Variants in PHACTR3 observed in about 807,000 individuals in gnomAD.
The protein encoded by PHACTR3 is phosphatase and actin regulator 3, also known as protein phosphatase 1, regulatory subunit 123.
Under a neutral mutation model 66.8 loss-of-function variants are expected in PHACTR3, and 16 were observed. The observed-to-expected ratio is 0.24, with a 90% CI of 0.16 to 0.36. The LOEUF is 0.36. PHACTR3 is among the 10% of genes least tolerant of loss of function. The pLI is 1.00. For missense variants in PHACTR3, 647 were observed against 719.9 expected (o/e 0.90, Z 1.16); for synonymous variants, 323 against 292.1 (o/e 1.11, Z -1.08).
intron 1 of PHACTR3, among the ~76,000 whole-genome samples, chr20:59,621,409 C>T (rs995025387): frequency 1.3e-5 from 2 of 152,244 alleles, no homozygotes; most frequent in African/African-American, 4.8e-5. Context: ...GCTGGGCAGC[C>T]CATGTCAGCC....
chr20:59,758,837 G>T (rs746323080), intron 4 of PHACTR3, among the ~76,000 whole-genome samples: 14 of 152,162 alleles, frequency 9.2e-5, no homozygotes, highest in Admixed American at 6.5e-4. Flanking sequence ...TTCTGATTAT[G>T]TTTGATCAAC....
chr20:59,593,993 C>A (rs1021393565), intron 1 of PHACTR3, among the ~76,000 whole-genome samples: 3 of 152,198 alleles, frequency 2.0e-5, no homozygotes, highest in Non-Finnish European at 4.4e-5. Context: ...AGGCCTTTTG[C>A]CTCTCCATAT....
chr20:59,692,555 A>G (rs1247287801), intron 1 of PHACTR3, among the ~76,000 whole-genome samples: 1 of 152,246 alleles, frequency 6.6e-6, no homozygotes, highest in East Asian at 1.9e-4. Context: ...AATGTGCCCA[A>G]TACCATTCTC....
In PHACTR3 at chr20:59,829,784, A is replaced by G. The variant is rs1192475360; in HGVS notation, c.1329-6721A>G. ...AGGCATTCTGCCTTGTATGGAAGGA[A>G]TTGCTTCTCAATTTCTGCTCCACAC... is the stretch of plus-strand genomic sequence containing the variant. On this transcript the variant is annotated intron_variant, in intron 8 of 12. Coordinates refer to ENST00000371015, the MANE Select transcript of PHACTR3 (RefSeq NM_080672.5). This position sits in a 1 kb window ranked among gnomAD's most constrained non-coding sequence, Gnocchi z 4.2. 6.6e-6 allele frequency among the ~76,000 whole-genome samples: 1 copy of G among 152,202 alleles called. No homozygotes were observed. The highest frequency in any genetic ancestry group is 1.5e-5 in the Non-Finnish European group (1 of 68,032).
In PHACTR3 at chr20:59,738,557, T is replaced by C. The variant is rs1302371820; in HGVS notation, c.119-4550T>C. Among the ~76,000 whole-genome samples the C allele has an allele frequency of 6.6e-6, 1 of 152,072 alleles. No homozygotes were observed. Among genetic ancestry groups the C allele is most frequent in the East Asian group, 1.9e-4 (1 of 5,180 alleles). On this transcript the variant is annotated intron_variant, in intron 1 of 12. Transcript: ENST00000371015. The surrounding 1 kb of genome is among the most constrained non-coding windows in gnomAD (Gnocchi z 4.4). ...GTTGGGTTCAGGGTCTGATCTGTAGTTTATTCTGTGTGCTACTCCGTTTTG... is the reference window on the plus strand; with the variant it reads ...GTTGGGTTCAGGGTCTGATCTGTAGCTTATTCTGTGTGCTACTCCGTTTTG...
At chr20:59,591,764 G>A (rs1014106169) in intron 1 of PHACTR3, among the ~76,000 whole-genome samples, 6 of 152,144 alleles carry the variant, frequency 3.9e-5, no homozygotes, top group South Asian at 2.1e-4. Flanking sequence ...GAGTGTCACC[G>A]CAGAAACCAT....
In PHACTR3 at chr20:59,716,949, T is replaced by G. The variant is rs574593236; in HGVS notation, c.119-26158T>G. ...TGAATCTATCATGCTCCCTGATGGGTCCCCATGCCCAGCACTGGGTGCTCT... is the reference window on the plus strand; with the variant it reads ...TGAATCTATCATGCTCCCTGATGGGGCCCCATGCCCAGCACTGGGTGCTCT... On this transcript the variant is annotated intron_variant, in intron 1 of 12. Transcript: ENST00000371015. Among the ~76,000 whole-genome samples, 7 of 152,278 alleles carry G rather than the reference T, an allele frequency of 4.6e-5. No homozygotes were observed. The East Asian group carries it at 1.4e-3, about 29-fold the overall frequency.
In PHACTR3 at chr20:59,814,988, G is replaced by A. The variant is rs1318389627; in HGVS notation, c.1328+8794G>A. Reference sequence around the variant, plus strand: ...AGATTCCCTCATATTGCTGAGAAGGGAGTTGGGGGCTGAGTTCCCCGACTT... The same window carrying A: ...AGATTCCCTCATATTGCTGAGAAGGAAGTTGGGGGCTGAGTTCCCCGACTT... On this transcript the variant is annotated intron_variant, in intron 8 of 12. Transcript: ENST00000371015. Among the ~76,000 whole-genome samples, 22 of 152,094 alleles carry A rather than the reference G, an allele frequency of 1.4e-4. 1 individual carries two copies. The highest frequency in any genetic ancestry group is 1.4e-3 in the Admixed American group (22 of 15,264).
chr20:59,847,588 AG>A lies in PHACTR3; in HGVS notation c.*459del, dbSNP rs1268665878. ...AAACTCTTTAAGTTCATGTTATACA[AG>A]ATGATTTACTGTATTATACTTTTCC... On this transcript the variant is annotated 3_prime_UTR_variant, in exon 13 of 13. Transcript: ENST00000371015. 5.8e-5 allele frequency: 9 copies of A among 154,104 alleles called. No individual in the cohort carries two copies. The highest frequency in any genetic ancestry group is 1.3e-4 in the Non-Finnish European group (9 of 69,058). 9.5% of individuals were successfully genotyped at this position (154,104 alleles called of 1,614,324 possible).
At position 59,648,976 on chromosome 20, in the gene PHACTR3, G is replaced by A. The variant is rs375511282; in HGVS notation, c.118+43844G>A. Among the ~76,000 whole-genome samples, 7 of 152,274 alleles carry A rather than the reference G, an allele frequency of 4.6e-5. No individual in the cohort carries two copies. In the East Asian group the frequency reaches 9.7e-4, roughly 21 times the overall value. On this transcript the variant is annotated intron_variant, in intron 1 of 12. Coordinates refer to ENST00000371015, the MANE Select transcript of PHACTR3 (RefSeq NM_080672.5). Reference sequence around the variant, plus strand: ...TGTCTGTGTTTACATGATGAGGCTGGGAATATAGGCATCGAAGCATCAGTT... The same window carrying A: ...TGTCTGTGTTTACATGATGAGGCTGAGAATATAGGCATCGAAGCATCAGTT...
intron 1 of PHACTR3, among the ~76,000 whole-genome samples, chr20:59,609,204 C>T (rs2146340739): frequency 6.6e-6 from 1 of 152,334 alleles, no homozygotes; most frequent in Non-Finnish European, 1.5e-5. Context: ...AGAGCATCCT[C>T]TCCTGTCATG....
chr20:59,621,342 C>T (rs373477198), intron 1 of PHACTR3, among the ~76,000 whole-genome samples: 3 of 152,248 alleles, frequency 2.0e-5, no homozygotes, highest in African/African-American at 7.2e-5. Context: ...GACTCCTGCT[C>T]TTGCCCTGTG....
intron 1 of PHACTR3, among the ~76,000 whole-genome samples, chr20:59,741,455 C>A (rs187432673): frequency 6.6e-6 from 1 of 152,240 alleles, no homozygotes; most frequent in Non-Finnish European, 1.5e-5. Context: ...CTTGTTGCTG[C>A]CAGAAGAAAC....
At chr20:59,653,920 C>T (rs943509057) in intron 1 of PHACTR3, among the ~76,000 whole-genome samples, 6 of 152,138 alleles carry the variant, frequency 3.9e-5, no homozygotes, top group African/African-American at 1.4e-4. Flanking sequence ...TACTAAATAC[C>T]ATTCCCCACT....
At chr20:59,753,152 TAAA>T (rs60619458) in intron 3 of PHACTR3, among the ~76,000 whole-genome samples, 2 of 145,958 alleles carry the variant, frequency 1.4e-5, no homozygotes, top group Non-Finnish European at 3.0e-5. Context: ...TCATAAAAAT[TAAA>T]AAAAAAAAAT....
chr20:59,604,277 T>C (rs541894476), upstream of PHACTR3, among the ~76,000 whole-genome samples: 1 of 152,282 alleles, frequency 6.6e-6, no homozygotes, highest in South Asian at 2.1e-4. Context: ...TTAGGGGCTC[T>C]CAGGGTTCCC....
In PHACTR3 at chr20:59,738,339, G is replaced by A. The variant is rs2146747509; in HGVS notation, c.119-4768G>A. 6.6e-6 allele frequency among the ~76,000 whole-genome samples: 1 copy of A among 152,032 alleles called. No individual in the cohort carries two copies. On this transcript the variant is annotated intron_variant, in intron 1 of 12. Coordinates refer to ENST00000371015, the MANE Select transcript of PHACTR3 (RefSeq NM_080672.5). The surrounding 1 kb of genome is among the most constrained non-coding windows in gnomAD (Gnocchi z 4.4). ...CAATAAGGATGATAATAAGGGGGAG[G>A]GAGCAGCAGAGCACAGAGAGCTGCA...
intron 1 of PHACTR3, among the ~76,000 whole-genome samples, chr20:59,692,612 G>A (rs979234068): frequency 6.6e-6 from 1 of 152,234 alleles, no homozygotes; most frequent in East Asian, 1.9e-4. Context: ...AACGCTTTGA[G>A]GTAGGTGAGG....
At chr20:59,775,316 T>A (rs984203553) in intron 7 of PHACTR3, among the ~76,000 whole-genome samples, 1 of 152,140 alleles carries the variant, frequency 6.6e-6, no homozygotes, top group Non-Finnish European at 1.5e-5. Flanking sequence ...GAAGCGTCCG[T>A]TGCTGTTCTT....
Sources: allele counts gnomAD v4.1 joint callset (sites outside exome capture counted in the v4.1 genomes callset), GRCh38; gene constraint gnomAD v4.1.1; non-coding constraint Gnocchi (gnomAD v3.1); transcripts MANE v1.5; gene names NCBI Gene and HGNC (gene_info 2026-07-23, HGNC 2026-07-21).